Variants in ZMAT4 observed in about 807,000 individuals in gnomAD.
ZMAT4 encodes zinc finger matrin-type 4, also known as zinc finger matrin-type protein 4.
In ZMAT4, 17 loss-of-function variants were observed where a neutral mutation model predicts 28.7. That is an observed-to-expected ratio of 0.59 (90% CI 0.41 to 0.89). The LOEUF (loss-of-function observed/expected upper bound fraction) is 0.89. ZMAT4 is among the 40% of genes least tolerant of loss of function. ZMAT4 has a pLI of 0.00. For missense variants in ZMAT4, 240 were observed against 283.8 expected (o/e 0.85, Z 1.11); for synonymous variants, 117 against 109.2 (o/e 1.07, Z -0.44).
intron 4 of ZMAT4, among the ~76,000 whole-genome samples, chr8:40,675,206 T>A (rs889908336): frequency 1.3e-5 from 2 of 152,184 alleles, no homozygotes; most frequent in African/African-American, 4.8e-5. Flanking sequence ...ATAAGATTTT[T>A]AAAAATAAAT....
chr8:40,601,535 G>T (rs1044500469), intron 5 of ZMAT4, among the ~76,000 whole-genome samples: 1 of 138,908 alleles, frequency 7.2e-6, no homozygotes, highest in East Asian at 2.3e-4. Flanking sequence ...GAGGGAGAAA[G>T]GGGAAGGGGG....
intron 3 of ZMAT4, among the ~76,000 whole-genome samples, chr8:40,712,723 G>A (rs969859945): frequency 1.3e-5 from 2 of 152,152 alleles, no homozygotes; most frequent in African/African-American, 2.4e-5. Context: ...CTAATGTTGG[G>A]AAACCAGGTA....
At chr8:40,579,384 T>C (rs1410284737) in intron 6 of ZMAT4, among the ~76,000 whole-genome samples, 3 of 152,192 alleles carry the variant, frequency 2.0e-5, no homozygotes, top group Non-Finnish European at 4.4e-5. Flanking sequence ...AAAATGTTAC[T>C]TAGAGAAATG....
chr8:40,592,264 C>G (rs1804920182), intron 5 of ZMAT4, among the ~76,000 whole-genome samples: 1 of 152,182 alleles, frequency 6.6e-6, no homozygotes, highest in African/African-American at 2.4e-5. Context: ...CGCATCCAAT[C>G]TTACACTTGC....
intron 6 of ZMAT4, among the ~76,000 whole-genome samples, chr8:40,550,795 C>T (rs138969997): frequency 3.3e-4 from 51 of 152,284 alleles, no homozygotes; most frequent in Non-Finnish European, 6.3e-4. Context: ...TCAATTCAAC[C>T]TCTTTCCTTT....
At chr8:40,813,688 C>G (rs1242715824) in intron 2 of ZMAT4, among the ~76,000 whole-genome samples, 1 of 152,296 alleles carries the variant, frequency 6.6e-6, no homozygotes, top group East Asian at 1.9e-4. Context: ...TACCTAGGGC[C>G]AAACCTGAAG....
Position 40,550,663 on chromosome 8 carries a change from G to A in ZMAT4, c.675-18425C>T, listed in dbSNP as rs560570319. On this transcript the variant is annotated intron_variant, in intron 6 of 6. Transcript: ENST00000297737. ...GATCTGATGGTTTTATAAGCATCTG[G>A]CATTTCCCCTGCTTGGGGTCACTCC... 7.6e-4 allele frequency among the ~76,000 whole-genome samples: 115 copies of A among 152,224 alleles called. No individual in the cohort carries two copies. The Middle Eastern group carries it at 0.01, about 14-fold the overall frequency.
chr8:40,823,249 T>C (rs1815896099), intron 2 of ZMAT4, among the ~76,000 whole-genome samples: 2 of 151,836 alleles, frequency 1.3e-5, no homozygotes, highest in South Asian at 4.2e-4. Context: ...AGTAAGATGA[T>C]TACAAATGAA....
At chr8:40,681,858 A>C (rs189649695) in intron 4 of ZMAT4, among the ~76,000 whole-genome samples, 311 of 152,306 alleles carry the variant, frequency 2.0e-3, no homozygotes, top group African/African-American at 6.4e-3. Context: ...TTAGTCATCT[A>C]TACTCTGAAA....
rs532360169 is a variant in ZMAT4, at chr8:40,881,773, C to T, written c.-5+15910G>A. On this transcript the variant is annotated intron_variant, in intron 1 of 6. Transcript: ENST00000297737. ...TCTTTTCCTTGTAGGAGGTGCAGCG[C>T]GAAGTTGATTGTATTTTTTCCATAC... 2.3e-4 allele frequency among the ~76,000 whole-genome samples: 35 copies of T among 152,154 alleles called. No homozygotes were observed. In the East Asian group the frequency reaches 3.3e-3, roughly 14 times the overall value.
At chr8:40,846,033 C>T (rs1485178222) in intron 1 of ZMAT4, among the ~76,000 whole-genome samples, 1 of 152,134 alleles carries the variant, frequency 6.6e-6, no homozygotes, top group Non-Finnish European at 1.5e-5. Flanking sequence ...AGCATCTCTA[C>T]CACAGCCTTC....
intron 4 of ZMAT4, among the ~76,000 whole-genome samples, chr8:40,686,558 C>T (rs1809416716): frequency 1.3e-5 from 2 of 151,998 alleles, no homozygotes; most frequent in Admixed American, 6.6e-5. Flanking sequence ...CCTTTGACCC[C>T]AGGAAGCTGC....
At chr8:40,801,285 T>C (rs1814819421) in intron 2 of ZMAT4, among the ~76,000 whole-genome samples, 1 of 149,500 alleles carries the variant, frequency 6.7e-6, no homozygotes, top group South Asian at 2.1e-4. Context: ...TTCTACCAAA[T>C]ATTTTAGGAA....
intron 4 of ZMAT4, among the ~76,000 whole-genome samples, chr8:40,693,391 C>T (rs1809741207): frequency 6.6e-6 from 1 of 152,226 alleles, no homozygotes; most frequent in Non-Finnish European, 1.5e-5. Flanking sequence ...GTTGGAATTA[C>T]AGGTATGAGC....
chr8:40,685,133 TTC>T (rs5891111), intron 4 of ZMAT4, among the ~76,000 whole-genome samples: 98,166 of 151,834 alleles, frequency 0.65, 31,983 homozygotes, highest in East Asian at 0.82. Flanking sequence ...GGAACTGCTG[TTC>T]TGAGTCAGTC....
intron 5 of ZMAT4, among the ~76,000 whole-genome samples, chr8:40,584,605 T>C (rs1804602986): frequency 1.3e-5 from 2 of 152,088 alleles, no homozygotes; most frequent in South Asian, 4.1e-4. Context: ...AAAGACAATT[T>C]GAATGAACTA....
chr8:40,646,770 C>T (rs567423532), intron 5 of ZMAT4, among the ~76,000 whole-genome samples: 1 of 152,280 alleles, frequency 6.6e-6, no homozygotes, highest in African/African-American at 2.4e-5. Context: ...GACTTCACTA[C>T]TCCACTTTCA....
At chr8:40,820,181 TGTGTGG>T (rs1238089664) in intron 2 of ZMAT4, among the ~76,000 whole-genome samples, 5 of 151,296 alleles carry the variant, frequency 3.3e-5, no homozygotes, top group African/African-American at 1.2e-4. Context: ...TGTGTGTGTG[TGTGTGG>T]GCGGGTGTGT....
intron 1 of ZMAT4, among the ~76,000 whole-genome samples, chr8:40,867,147 C>T (rs1331049566): frequency 7.2e-5 from 11 of 152,194 alleles, no homozygotes; most frequent in Non-Finnish European, 1.5e-4. Flanking sequence ...CTGCATCTTA[C>T]CCCTTAGGCA....
Sources: gnomAD v4.1 joint callset for allele counts (sites outside exome capture counted in the v4.1 genomes callset) on GRCh38, gnomAD v4.1.1 for gene constraint, MANE v1.5 for transcripts, NCBI Gene and HGNC (gene_info 2026-07-23, HGNC 2026-07-21) for gene names.